The following VTI1A variants were observed in gnomAD, a reference collection of about 807,000 sequenced individuals.
VTI1A encodes the protein vesicle transport through interaction with t-SNAREs 1A.
A neutral mutation model predicts 34.9 loss-of-function variants in VTI1A; 22 were observed. The observed-to-expected ratio is 0.63, with a 90% confidence interval of 0.45 to 0.90. The LOEUF (loss-of-function observed/expected upper bound fraction) is 0.90. Among genes scored for constraint, VTI1A ranks in the 40% least tolerant of loss-of-function variants. The pLI is 0.00. For missense variants in VTI1A, 268 were observed against 275.6 expected (o/e 0.97, Z 0.20); for synonymous variants, 87 against 97.3 (o/e 0.89, Z 0.62).
chr10:112,852,251 A>G, the VTI1A span, among the ~76,000 whole-genome samples: 6 of 152,168 alleles, frequency 3.9e-5, no homozygotes, highest in African/African-American at 1.4e-4. Context: ...GATGATTCCA[A>G]TGATTCCTAC....
chr10:112,758,547 T>C (rs1435854630), intron 7 of VTI1A, among the ~76,000 whole-genome samples: 3 of 152,196 alleles, frequency 2.0e-5, no homozygotes, highest in Non-Finnish European at 4.4e-5. Flanking sequence ...CAAGACCCAA[T>C]GCTGCAAGAG....
intron 7 of VTI1A, among the ~76,000 whole-genome samples, chr10:112,705,522 GAC>G (rs1202987581): frequency 1.3e-5 from 2 of 151,882 alleles, no homozygotes; most frequent in Non-Finnish European, 2.9e-5. Context: ...CCCTACCCCC[GAC>G]ACACACACAT....
At chr10:112,746,021 C>T (rs1850881824) in intron 7 of VTI1A, among the ~76,000 whole-genome samples, 1 of 152,178 alleles carries the variant, frequency 6.6e-6, no homozygotes, top group Non-Finnish European at 1.5e-5. Context: ...CACCTTAGTG[C>T]TCAGTAAGTA....
At chr10:112,500,940 GCTT>G (rs1564802748) in intron 3 of VTI1A, among the ~76,000 whole-genome samples, 1 of 152,058 alleles carries the variant, frequency 6.6e-6, no homozygotes, top group South Asian at 2.1e-4. Flanking sequence ...CCCAGGTCAG[GCTT>G]CTTCTTTGTA....
intron 7 of VTI1A, among the ~76,000 whole-genome samples, chr10:112,813,963 CT>C (rs1189014583): frequency 6.6e-6 from 1 of 152,014 alleles, no homozygotes; most frequent in Non-Finnish European, 1.5e-5. Flanking sequence ...AGAGCTCGTC[CT>C]TTTAGGGGGC....
chr10:112,819,303 G>A (rs1195809576), downstream of VTI1A, among the ~76,000 whole-genome samples: 1 of 152,194 alleles, frequency 6.6e-6, no homozygotes, highest in Non-Finnish European at 1.5e-5. Flanking sequence ...CTTGGGAGTG[G>A]AGGTGGCTTT....
At chr10:112,548,519 T>C in intron 5 of VTI1A, 1 of 603,602 alleles carries the variant, frequency 1.7e-6, no homozygotes, top group South Asian at 2.2e-5. Flanking sequence ...CTTTTACTAC[T>C]AAACTTAAAT....
At chr10:112,536,744 AC>A (rs1013014730) in intron 4 of VTI1A, among the ~76,000 whole-genome samples, 183 of 140,082 alleles carry the variant, frequency 1.3e-3, no homozygotes, top group Admixed American at 2.4e-3. Flanking sequence ...AATGATTCTC[AC>A]CCCCCCACCC....
chr10:112,553,292 A>G (rs754717346), intron 5 of VTI1A, among the ~76,000 whole-genome samples: 11 of 152,252 alleles, frequency 7.2e-5, no homozygotes, highest in Non-Finnish European at 1.6e-4. Flanking sequence ...CTGCCACTTA[A>G]TAACTGTAAG....
chr10:112,734,726 C>T (rs1472753592), intron 7 of VTI1A, among the ~76,000 whole-genome samples: 1 of 151,194 alleles, frequency 6.6e-6, no homozygotes, highest in African/African-American at 2.4e-5. Context: ...GATCTCGGCT[C>T]ACTGCAATCT....
intron 7 of VTI1A, among the ~76,000 whole-genome samples, chr10:112,703,576 A>C (rs998924115): frequency 1.3e-5 from 2 of 152,196 alleles, no homozygotes; most frequent in Non-Finnish European, 2.9e-5. Context: ...CAAAAAAAAA[A>C]ATTGCTAAAA....
intron 7 of VTI1A, among the ~76,000 whole-genome samples, chr10:112,757,398 G>C (rs1418972009): frequency 1.0e-5 from 1 of 96,116 alleles, no homozygotes; most frequent in Non-Finnish European, 1.9e-5. Flanking sequence ...ACATAGGCTT[G>C]CTCCATTGCC....
intron 3 of VTI1A, among the ~76,000 whole-genome samples, chr10:112,507,328 C>T (rs552144961): frequency 1.1e-4 from 16 of 152,246 alleles, no homozygotes; most frequent in Admixed American, 8.5e-4. Flanking sequence ...TGGCAAGTTC[C>T]GTATATTCTC....
At chr10:112,733,490 A>G in intron 7 of VTI1A, among the ~76,000 whole-genome samples, 1 of 152,146 alleles carries the variant, frequency 6.6e-6, no homozygotes, top group East Asian at 1.9e-4. Context: ...TCTTTCATTT[A>G]GCATGAAGTT....
At chr10:112,513,004 T>C (rs1413864607) in intron 3 of VTI1A, among the ~76,000 whole-genome samples, 1 of 152,150 alleles carries the variant, frequency 6.6e-6, no homozygotes, top group Admixed American at 6.5e-5. Flanking sequence ...TTGCTCAGGA[T>C]TGCTTTGGAG....
intron 5 of VTI1A, among the ~76,000 whole-genome samples, chr10:112,644,067 G>C (rs1228912597): frequency 6.6e-6 from 1 of 152,102 alleles, no homozygotes; most frequent in Non-Finnish European, 1.5e-5. Context: ...TGATGTCTCG[G>C]CTTTGCTATT....
At chr10:112,662,995 G>T (rs7917317) in intron 5 of VTI1A, among the ~76,000 whole-genome samples, 42,474 of 152,064 alleles carry the variant, frequency 0.28, 7,170 homozygotes, top group East Asian at 0.69. Flanking sequence ...ATCTGCAGTT[G>T]CAGATATTTT....
chr10:112,532,304 T>A (rs887225785), intron 4 of VTI1A, among the ~76,000 whole-genome samples: 1 of 152,168 alleles, frequency 6.6e-6, no homozygotes, highest in Non-Finnish European at 1.5e-5. Context: ...AAAGCAATAG[T>A]TTAATTTATT....
chr10:112,765,329 C>T (rs11196094), intron 7 of VTI1A, among the ~76,000 whole-genome samples: 13,091 of 152,176 alleles, frequency 0.086, 1,746 homozygotes, highest in African/African-American at 0.29. Flanking sequence ...CCTGCCTCAG[C>T]TTCCCACGTA....
Sources: gnomAD v4.1 joint callset for allele counts (sites outside exome capture counted in the v4.1 genomes callset) on GRCh38, gnomAD v4.1.1 for gene constraint, MANE v1.5 for transcripts, NCBI Gene and HGNC (gene_info 2026-07-23, HGNC 2026-07-21) for gene names.